The following PPP1R12A variants were observed in gnomAD, a reference collection of about 807,000 sequenced individuals.
PPP1R12A encodes protein phosphatase 1 regulatory subunit 12A.
A neutral mutation model predicts 139.6 loss-of-function variants in PPP1R12A; 19 were observed. That is an observed-to-expected ratio of 0.14 (90% confidence interval 0.09 to 0.20). The LOEUF is 0.20. PPP1R12A is among the 10% of genes least tolerant of loss of function. The pLI is 1.00. For synonymous variants in PPP1R12A, 427 were observed against 420.6 expected (o/e 1.02, Z -0.19); for missense variants, 925 against 1,211.5 (o/e 0.76, Z 3.51).
At chr12:79,779,814 A>G in intron 23 of PPP1R12A, 7 of 163,298 alleles carry the variant, frequency 4.3e-5, no homozygotes, top group East Asian at 1.6e-4. Context: ...TAAGACAAGA[A>G]AACTACACCC....
upstream of PPP1R12A, chr12:79,935,210 A>G: frequency 2.3e-6 from 3 of 1,297,356 alleles, no homozygotes; most frequent in African/African-American, 1.5e-5. Flanking sequence ...CGAGATCCGG[A>G]CTGGGAGGCG....
Position 79,934,698 on chromosome 12 carries a change from G to A in PPP1R12A, c.234C>T (p.His78=), listed in dbSNP as rs767908361. 15 of 1,538,704 alleles carry A rather than the reference G, an allele frequency of 9.7e-6. No individual in the cohort carries two copies. The highest frequency in any genetic ancestry group is 1.3e-5 in the Non-Finnish European group (15 of 1,139,976). The change falls in exon 1 of 25, where the codon CAC becomes CAT. Residue 78 remains histidine (H), a synonymous_variant. Coordinates refer to ENST00000450142, the MANE Select transcript of PPP1R12A (RefSeq NM_002480.3). ...GCCGGCGGCGGGGCGCACAGACCTG[G>A]TGCAGGGCAGTGAGTCCGTCCACAT... ...YANVDGLTAL[H]QACIDDNVDM...
intron 2 of PPP1R12A, among the ~76,000 whole-genome samples, chr12:79,859,918 A>C (rs1881128863): frequency 6.6e-6 from 1 of 152,204 alleles, no homozygotes; most frequent in Non-Finnish European, 1.5e-5. Context: ...TGTCTCAAAC[A>C]AACCAACAAA....
At chr12:79,814,707 C>T (rs563163756) in intron 9 of PPP1R12A, among the ~76,000 whole-genome samples, 4 of 135,484 alleles carry the variant, frequency 3.0e-5, no homozygotes, top group Non-Finnish European at 4.7e-5. Flanking sequence ...TTCAGCTACT[C>T]GGGAGGCTGA....
intron 1 of PPP1R12A, among the ~76,000 whole-genome samples, chr12:79,913,108 T>C (rs993847270): frequency 2.0e-5 from 3 of 152,258 alleles, no homozygotes; most frequent in Non-Finnish European, 4.4e-5. Context: ...TGAATGAGAT[T>C]GAATAACTTT....
intron 3 of PPP1R12A, 119 bp downstream of exon 3, chr12:79,845,183 G>T (rs551448970): frequency 2.8e-6 from 2 of 725,950 alleles, no homozygotes; most frequent in Non-Finnish European, 4.6e-6. Context: ...TGTTTTGCAA[G>T]CTGAATTCAT....
At chr12:79,817,105 T>C (rs1218067960) in intron 9 of PPP1R12A, among the ~76,000 whole-genome samples, 1 of 152,168 alleles carries the variant, frequency 6.6e-6, no homozygotes, top group Non-Finnish European at 1.5e-5. Flanking sequence ...TCACTGATTT[T>C]AATATTACAA....
At chr12:79,917,938 T>A (rs190924709) in intron 1 of PPP1R12A, among the ~76,000 whole-genome samples, 26 of 152,294 alleles carry the variant, frequency 1.7e-4, no homozygotes. Context: ...CATAGCATAC[T>A]ATTTCAGTCA....
At chr12:79,793,534 TTTTC>T (rs1360320245) in intron 19 of PPP1R12A, among the ~76,000 whole-genome samples, 2 of 152,188 alleles carry the variant, frequency 1.3e-5, no homozygotes, top group African/African-American at 4.8e-5. Flanking sequence ...TTTTTTTGCT[TTTTC>T]TTTTAACTCC....
chr12:79,813,047 T>G (rs569405925), intron 9 of PPP1R12A, among the ~76,000 whole-genome samples: 7 of 152,308 alleles, frequency 4.6e-5, no homozygotes, highest in African/African-American at 1.4e-4. Context: ...AATAATATTC[T>G]ATAAAGAATA....
chr12:79,935,299 C>T (rs1017001490), upstream of PPP1R12A: 10 of 1,053,964 alleles, frequency 9.5e-6, no homozygotes, highest in South Asian at 1.1e-4. Flanking sequence ...GCGGTGGTGG[C>T]TGGGCCACCA....
At chr12:79,792,160 T>C (rs1386727237) in intron 19 of PPP1R12A, among the ~76,000 whole-genome samples, 1 of 152,186 alleles carries the variant, frequency 6.6e-6, no homozygotes, top group Non-Finnish European at 1.5e-5. Context: ...ATAATATCTA[T>C]GTGAATATAG....
chr12:79,807,521 A>C (rs902346314), intron 11 of PPP1R12A, among the ~76,000 whole-genome samples, 191 bp from the exon 12 acceptor site: 1 of 151,978 alleles, frequency 6.6e-6, no homozygotes, highest in Non-Finnish European at 1.5e-5. Context: ...TTTTTCCCCT[A>C]AGTATGGGGG....
intron 2 of PPP1R12A, among the ~76,000 whole-genome samples, chr12:79,860,762 A>G (rs1251229370): frequency 6.6e-6 from 1 of 152,204 alleles, no homozygotes; most frequent in South Asian, 2.1e-4. Context: ...TAGTAACCTG[A>G]TGGTATATTC....
intron 1 of PPP1R12A, among the ~76,000 whole-genome samples, chr12:79,923,607 G>A (rs370606056): frequency 4.6e-5 from 7 of 152,224 alleles, no homozygotes; most frequent in African/African-American, 4.8e-5. Flanking sequence ...GTCCAGTCCC[G>A]AAATTTTGGA....
At chr12:79,905,068 C>T (rs1213267434) in intron 1 of PPP1R12A, among the ~76,000 whole-genome samples, 1 of 152,132 alleles carries the variant, frequency 6.6e-6, no homozygotes, top group Non-Finnish European at 1.5e-5. Context: ...TTTCTTCCAG[C>T]TGCTATGTTA....
chr12:79,886,909 T>G (rs2137404054), intron 1 of PPP1R12A, among the ~76,000 whole-genome samples: 1 of 152,264 alleles, frequency 6.6e-6, no homozygotes, highest in Middle Eastern at 3.4e-3. Context: ...AGTAGTACAT[T>G]GAACCTAGAT....
chr12:79,796,434 T>C (rs1468330673), intron 17 of PPP1R12A, among the ~76,000 whole-genome samples: 1 of 140,396 alleles, frequency 7.1e-6, no homozygotes, highest in Non-Finnish European at 1.6e-5. Context: ...TTAAATGATA[T>C]GATCTACACA....
intron 3 of PPP1R12A, among the ~76,000 whole-genome samples, chr12:79,838,180 C>T (rs957899360): frequency 6.6e-6 from 1 of 152,180 alleles, no homozygotes; most frequent in African/African-American, 2.4e-5. Context: ...TTGTTGGGAA[C>T]TAAAGCAAAG....
Sources: allele counts gnomAD v4.1 joint callset (sites outside exome capture counted in the v4.1 genomes callset), GRCh38; gene constraint gnomAD v4.1.1; transcripts MANE v1.5; gene names NCBI Gene and HGNC (gene_info 2026-07-23, HGNC 2026-07-21).